TNIK: variants seen among roughly 807,000 people sequenced by gnomAD.
TNIK encodes the protein TRAF2 and NCK-interacting protein kinase.
Under a neutral mutation model 191.3 loss-of-function variants are expected in TNIK, and 49 were observed. The ratio of observed to expected loss-of-function variants is 0.26; its 90% CI spans 0.20 to 0.32. The LOEUF is 0.32. TNIK is among the 10% of genes least tolerant of loss of function. The pLI is 1.00. For synonymous variants in TNIK, 594 were observed against 600.9 expected (o/e 0.99, Z 0.17); for missense variants, 1,155 against 1,702.3 (o/e 0.68, Z 5.66).
chr3:171,356,852 GAATAT>G (rs1714155364), intron 2 of TNIK, among the ~76,000 whole-genome samples: 1 of 152,090 alleles, frequency 6.6e-6, no homozygotes, highest in African/African-American at 2.4e-5. Flanking sequence ...ATGAAATAAT[GAATAT>G]GAAGGTTTCA....
rs116281710 is a variant in TNIK at position 171,112,587 on chromosome 3, G to A, written c.2121-1710C>T. Among the ~76,000 whole-genome samples, 983 of 151,936 alleles carry A rather than the reference G, an allele frequency of 6.5e-3. 13 individuals are homozygous for A. The highest frequency in any genetic ancestry group is 0.022 in the African/African-American group (922 of 41,342). On this transcript the variant is annotated intron_variant, in intron 18 of 32. Transcript: ENST00000436636. ...CTATTGTACATGATCTCACTTATGC[G>A]TGGAATCTACAAACATCAAACTCAC... is the stretch of plus-strand genomic sequence containing the variant.
chr3:171,275,859 T>C (rs1379260760), intron 2 of TNIK, among the ~76,000 whole-genome samples: 1 of 152,092 alleles, frequency 6.6e-6, no homozygotes, highest in African/African-American at 2.4e-5. Context: ...ATCGTGCCAC[T>C]GCACTCCAAG....
chr3:171,092,032 C>T (rs984779630), intron 23 of TNIK, among the ~76,000 whole-genome samples: 1 of 151,542 alleles, frequency 6.6e-6, no homozygotes, highest in Admixed American at 6.6e-5. Flanking sequence ...TCACTGCAAC[C>T]TCTGCCTCCC....
chr3:171,390,416 T>G (rs750281212), intron 1 of TNIK, among the ~76,000 whole-genome samples: 5 of 152,232 alleles, frequency 3.3e-5, no homozygotes, highest in Non-Finnish European at 2.9e-5. Context: ...GTACCTCTGG[T>G]TGCAGTAACC....
chr3:171,139,617 A>G (rs1047646542), intron 13 of TNIK, 61 bp from the exon 14 acceptor site: 374 of 1,553,526 alleles, frequency 2.4e-4, no homozygotes, highest in Non-Finnish European at 3.6e-5. Context: ...ATGAACCAGT[A>G]ATTTCAAAGG....
At chr3:171,084,397 C>G (rs1721080254) in intron 25 of TNIK, 72 bp from the exon 26 acceptor site, 1 of 1,489,774 alleles carries the variant, frequency 6.7e-7, no homozygotes, top group Non-Finnish European at 9.1e-7. Flanking sequence ...CTTCAAAACA[C>G]TATGATTTCT....
At chr3:171,191,526 C>T (rs1305482245) in intron 5 of TNIK, among the ~76,000 whole-genome samples, 1 of 152,224 alleles carries the variant, frequency 6.6e-6, no homozygotes, top group South Asian at 2.1e-4. Context: ...GTGTGAGCCA[C>T]AGCACCCGGC....
At chr3:171,453,493 T>G (rs114854148) in intron 1 of TNIK, among the ~76,000 whole-genome samples, 1,990 of 152,208 alleles carry the variant, frequency 0.013, 23 homozygotes, top group Non-Finnish European at 0.022. Context: ...ACTGCAGAGC[T>G]CGGTGGGAGG....
At chr3:171,232,131 T>C (rs1163865356) in intron 2 of TNIK, among the ~76,000 whole-genome samples, 1 of 152,136 alleles carries the variant, frequency 6.6e-6, no homozygotes, top group African/African-American at 2.4e-5. Context: ...TTCTAATTTA[T>C]TTTTCCTTAT....
intron 18 of TNIK, among the ~76,000 whole-genome samples, chr3:171,119,631 T>C (rs1444377034): frequency 4.6e-5 from 7 of 152,164 alleles, no homozygotes; most frequent in Non-Finnish European, 1.0e-4. Context: ...AATGATAAGT[T>C]CATGTCCTTT....
At position 171,123,632 on chromosome 3, in the gene TNIK, A is replaced by C; in HGVS notation, c.2084T>G (p.Leu695Arg). The C allele has an allele frequency of 6.4e-7, 1 of 1,574,616 alleles. No individual in the cohort carries two copies. Among genetic ancestry groups the C allele is most frequent in the Admixed American group, 1.8e-5 (1 of 54,726 alleles). ...GGGTTGAGATCCTAGTCTGGGTCCC[A>C]GAGCACTACCATTCCCAGGAGAATT... is the stretch of plus-strand genomic sequence containing the variant. ...RKNSPGNGSA[L>R]GPRLGSQPIR... The change falls in exon 18 of 33, where the codon CTG becomes CGG. Residue 695 changes from leucine (L) to arginine (R), a missense_variant. Transcript: ENST00000436636.
intron 2 of TNIK, among the ~76,000 whole-genome samples, chr3:171,231,154 A>C (rs1743572140): frequency 6.6e-6 from 1 of 152,256 alleles, no homozygotes; most frequent in African/African-American, 2.4e-5. Flanking sequence ...TACTGGCTCA[A>C]GGCCAGAGAT....
chr3:171,397,642 C>CA (rs1354622780), intron 1 of TNIK, among the ~76,000 whole-genome samples: 3 of 151,998 alleles, frequency 2.0e-5, no homozygotes, highest in African/African-American at 4.8e-5. Context: ...GACAACTTAC[C>CA]AAAAAAATTT....
At chr3:171,242,162 A>AT (rs936558600) in intron 2 of TNIK, among the ~76,000 whole-genome samples, 26 of 151,172 alleles carry the variant, frequency 1.7e-4, no homozygotes, top group Non-Finnish European at 3.2e-4. Flanking sequence ...CTTAAATTAA[A>AT]AAAAAAAAAA....
intron 5 of TNIK, among the ~76,000 whole-genome samples, chr3:171,191,305 T>C (rs1199342411): frequency 1.3e-5 from 2 of 152,204 alleles, no homozygotes; most frequent in Non-Finnish European, 2.9e-5. Flanking sequence ...TGGAGTGCAA[T>C]GGCGTGGTCT....
intron 12 of TNIK, among the ~76,000 whole-genome samples, chr3:171,147,808 G>A (rs918152853): frequency 6.6e-6 from 1 of 152,078 alleles, no homozygotes; most frequent in South Asian, 2.1e-4. Context: ...AAGTTCACTC[G>A]GTTGGTAAGT....
At chr3:171,325,615 T>G (rs963466496) in intron 2 of TNIK, among the ~76,000 whole-genome samples, 4 of 152,174 alleles carry the variant, frequency 2.6e-5, no homozygotes, top group African/African-American at 9.7e-5. Flanking sequence ...TCCTTAAATG[T>G]TATTGTTTAT....
chr3:171,171,057 A>T (rs1735220093), intron 9 of TNIK, among the ~76,000 whole-genome samples: 1 of 152,190 alleles, frequency 6.6e-6, no homozygotes, highest in Non-Finnish European at 1.5e-5. Flanking sequence ...GTCTCTAAAA[A>T]AAAAGAAATC....
At chr3:171,241,181 C>CCA in intron 2 of TNIK, among the ~76,000 whole-genome samples, 1 of 152,120 alleles carries the variant, frequency 6.6e-6, no homozygotes, top group Non-Finnish European at 1.5e-5. Context: ...CAGGTGCGCA[C>CCA]CACCACACCC....
Sources: gnomAD v4.1 joint callset for allele counts (sites outside exome capture counted in the v4.1 genomes callset) on GRCh38, gnomAD v4.1.1 for gene constraint, MANE v1.5 for transcripts, NCBI Gene and HGNC (gene_info 2026-07-23, HGNC 2026-07-21) for gene names.